DSC3: variants seen among roughly 807,000 people sequenced by gnomAD.
DSC3 encodes the protein desmocollin 3, also known as desmocollin-3.
DSC3 carries 97 observed loss-of-function variants against 89.5 expected under a neutral mutation model. The ratio of observed to expected loss-of-function variants is 1.08; its 90% CI spans 0.92 to 1.28. The LOEUF is 1.28. Ranked by LOEUF, DSC3 falls within the 50% of genes most tolerant of loss-of-function variation. DSC3 has a pLI of 0.00. For missense variants in DSC3, 1,199 were observed against 1,085.3 expected (o/e 1.10, Z -1.47); for synonymous variants, 436 against 384.1 (o/e 1.14, Z -1.58).
intron 13 of DSC3, among the ~76,000 whole-genome samples, chr18:31,003,313 T>C (rs975083799): frequency 3.3e-5 from 5 of 152,216 alleles, no homozygotes; most frequent in Non-Finnish European, 5.9e-5. Flanking sequence ...AGAATGATTG[T>C]TTTTGCTTGT....
rs1298657292 is a variant in DSC3, at chr18:31,001,704, C to T, written c.2149G>A (p.Ala717Thr). ...LLTLVCGVFG[A>T]TKGKRFPEDL... ...TCAGGAAAACGTTTCCCTTTAGTTG[C>T]ACCAAAAACTCCACATACTAAAGTT... Residue 717 changes from alanine (A) to threonine (T), a missense_variant, in exon 14 of 16, where the codon GCA becomes ACA. Ala to Thr is a moderately conservative substitution (Grantham distance 58). Transcript: ENST00000360428. 6.8e-6 allele frequency: 11 copies of T among 1,608,780 alleles called. No homozygotes were observed. Among genetic ancestry groups the T allele is most frequent in the Non-Finnish European group, 9.3e-6 (11 of 1,177,508 alleles).
chr18:31,032,304 A>G (rs746626066), intron 1 of DSC3, 28 bp from the exon 2 acceptor site: 6 of 1,519,714 alleles, frequency 3.9e-6, no homozygotes, highest in East Asian at 2.3e-5. Flanking sequence ...ACATTAATAC[A>G]GTAGAAAATA....
intron 9 of DSC3, among the ~76,000 whole-genome samples, chr18:31,009,869 A>G (rs1984997546): frequency 6.6e-6 from 1 of 152,240 alleles, no homozygotes; most frequent in Non-Finnish European, 1.5e-5. Context: ...AGCCTACGCT[A>G]TAATCCCTCT....
chr18:31,029,691 A>C (rs1985719180), intron 3 of DSC3, 63 bp from the exon 4 acceptor site: 1 of 1,600,578 alleles, frequency 6.2e-7, no homozygotes, highest in African/African-American at 1.3e-5. Context: ...TTTGTGTAAA[A>C]TAGTGGACAG....
In DSC3 at chr18:31,022,385, T is replaced by G; in HGVS notation, c.893A>C (p.His298Pro). 1 of 1,614,078 alleles carries G rather than the reference T, an allele frequency of 6.2e-7. No individual in the cohort carries two copies. The highest frequency in any genetic ancestry group is 8.5e-7 in the Non-Finnish European group (1 of 1,179,968). The change falls in exon 7 of 16, where the codon CAT (histidine) becomes CCT (proline). Residue 298 changes from histidine (H) to proline (P), a missense_variant. By Grantham distance (77) the His-to-Pro change is moderately conservative (BLOSUM62 -2). Transcript: ENST00000360428. ...TPRSPGLFSVHPSTGVITTVS... is the reference protein window; with the variant it reads ...TPRSPGLFSVPPSTGVITTVS... ...TGTGGTGATTACGCCTGTGCTGGGA[T>G]GCACAGAAAAGAGCCCAGGTGACCT...
At position 31,018,265 on chromosome 18, in the gene DSC3, G is replaced by C. The variant is rs913068182; in HGVS notation, c.1078-9C>G. On this transcript the variant is annotated splice_polypyrimidine_tract_variant and intron_variant, in intron 8 of 15. Coordinates refer to ENST00000360428, the MANE Select transcript of DSC3 (RefSeq NM_001941.5). Reference sequence around the variant, plus strand: ...TCTACAAATGCTTCATACTGAAACAGAAAGAAGTCATTGAAAATTGAAATT... The same window carrying C: ...TCTACAAATGCTTCATACTGAAACACAAAGAAGTCATTGAAAATTGAAATT... 2.5e-6 allele frequency: 4 copies of C among 1,597,336 alleles called. No homozygotes were observed. The highest frequency in any genetic ancestry group is 3.4e-6 in the Non-Finnish European group (4 of 1,173,946).
chr18:31,021,113 C>T (rs1294482318), intron 7 of DSC3, among the ~76,000 whole-genome samples: 1 of 151,730 alleles, frequency 6.6e-6, no homozygotes, highest in Non-Finnish European at 1.5e-5. Context: ...CTCAACGCTC[C>T]ATGGTTGTTG....
chr18:31,004,397 A>G, intron 12 of DSC3, 31 bp from the exon 13 acceptor site: 1 of 1,585,972 alleles, frequency 6.3e-7, no homozygotes, highest in Non-Finnish European at 8.6e-7. Context: ...TTTATTTTTT[A>G]ATGATCATTT....
chr18:30,996,688 A>G, intron 15 of DSC3, 103 bp downstream of exon 15: 1 of 1,399,840 alleles, frequency 7.1e-7, no homozygotes, highest in East Asian at 2.3e-5. Context: ...CAAGCAAGAG[A>G]GAGCCCACAG....
chr18:31,034,756 T>G (rs190562610), intron 1 of DSC3, among the ~76,000 whole-genome samples: 1 of 152,330 alleles, frequency 6.6e-6, no homozygotes, highest in Admixed American at 6.5e-5. Flanking sequence ...CGATTTCGTT[T>G]ACATAAAATG....
rs775557962 is a variant in DSC3 at position 31,022,455 on chromosome 18, TG to T, written c.822del (p.Asp274GlufsTer7). On this transcript the variant is annotated frameshift_variant, in exon 7 of 16. Coordinates refer to ENST00000360428, the MANE Select transcript of DSC3 (RefSeq NM_001941.5). LOFTEE classifies it high-confidence loss of function. ...VVCATDRDEP[D>X]TMHTRLKYSI... ...CTGTATTTCAGGCGCGTATGCATTG[TG>T]TCCGGTTCATCTCTGTCTGTGGCAC... 1 of 1,614,106 alleles carries T rather than the reference TG, an allele frequency of 6.2e-7. No homozygotes were observed. The highest frequency in any genetic ancestry group is 2.2e-5 in the East Asian group (1 of 44,872).
chr18:31,024,225 A>C (rs1462188433), intron 6 of DSC3, 124 bp downstream of exon 6: 1 of 884,356 alleles, frequency 1.1e-6, no homozygotes. Context: ...GTTTTCTGGT[A>C]AGTAGATTCT....
chr18:30,995,971 T>TAAAAAAAAAAAAAAAAAAAA (rs1196444633), intron 15 of DSC3, among the ~76,000 whole-genome samples: 69 of 37,016 alleles, frequency 1.9e-3, no homozygotes, highest in South Asian at 3.2e-3. Flanking sequence ...GACCCTGCCT[T>TAAAAAAAAAAAAAAAAAAAA]AAAAAAAAAA....
rs754628379 is a variant in DSC3, at chr18:31,025,886, A to C, written c.504T>G (p.Thr168=). The C allele has an allele frequency of 1.2e-5, 19 of 1,613,102 alleles. No homozygotes were observed. The East Asian group carries it at 4.0e-4, about 34-fold the overall frequency. ...QVESDAAQNY[T]VFYSISGRGV... ...CACGTCCACTTATTGAGTAGAAGAC[A>C]GTATAGTTCTGTGCTGCATCAGATT... is the stretch of plus-strand genomic sequence containing the variant. The change falls in exon 5 of 16, where the codon ACT becomes ACG. Residue 168 remains threonine (T), a synonymous_variant. Coordinates refer to ENST00000360428, the MANE Select transcript of DSC3 (RefSeq NM_001941.5).
At position 31,029,422 on chromosome 18, in the gene DSC3, T is replaced by A. The variant is rs952572484; in HGVS notation, c.474+87A>T. On this transcript the variant is annotated intron_variant, in intron 4 of 15. Coordinates refer to ENST00000360428, the MANE Select transcript of DSC3 (RefSeq NM_001941.5). ...GAACATCTTTAATCAGATCTGTTTA[T>A]TTTTATATGTTTAAAGAGGTATTAA... is the stretch of plus-strand genomic sequence containing the variant. 2.6e-6 allele frequency: 4 copies of A among 1,523,236 alleles called. No individual in the cohort carries two copies. The African/African-American group carries it at 5.5e-5, about 21-fold the overall frequency. The allele number at this position is 1,523,236 out of a possible 1,614,324, so 94.4% of individuals were successfully genotyped here. A position where few individuals can be genotyped will look rare whatever the true frequency, so the allele number is the denominator to read the frequency against.
intron 3 of DSC3, 148 bp downstream of exon 3, chr18:31,030,825 T>C: frequency 4.1e-6 from 3 of 733,660 alleles, no homozygotes; most frequent in South Asian, 3.5e-5. Context: ...AGGAAAAGGG[T>C]AAGAAAATGG....
intron 1 of DSC3, among the ~76,000 whole-genome samples, chr18:31,032,744 C>T (rs760835769): frequency 6.6e-6 from 1 of 151,980 alleles, no homozygotes; most frequent in African/African-American, 2.4e-5. Context: ...TACAGGCGCC[C>T]GCCACCATGA....
intron 2 of DSC3, among the ~76,000 whole-genome samples, chr18:31,031,494 C>T (rs114393445): frequency 0.014 from 2,061 of 152,106 alleles, 58 homozygotes; most frequent in African/African-American, 0.047. Flanking sequence ...GCAACATGCC[C>T]CCAACACACC....
intron 12 of DSC3, among the ~76,000 whole-genome samples, chr18:31,005,889 C>T (rs1382250514): frequency 4.6e-5 from 7 of 152,112 alleles, no homozygotes; most frequent in African/African-American, 1.7e-4. Flanking sequence ...TCTTGTTCAT[C>T]TCTATATAAA....
Sources: allele counts gnomAD v4.1 joint callset (sites outside exome capture counted in the v4.1 genomes callset), GRCh38; gene constraint gnomAD v4.1.1; transcripts MANE v1.5; gene names NCBI Gene and HGNC (gene_info 2026-07-23, HGNC 2026-07-21).